The following RGS17 variants were observed in gnomAD, a reference collection of about 807,000 sequenced individuals.
The protein encoded by RGS17 is regulator of G protein signaling 17.
In RGS17, 12 loss-of-function variants were observed where a neutral mutation model predicts 25.5. The ratio of observed to expected loss-of-function variants is 0.47; its 90% confidence interval spans 0.30 to 0.76. The LOEUF (loss-of-function observed/expected upper bound fraction) is 0.76, where lower values mean the gene tolerates loss of function less well. RGS17 is among the 30% of genes least tolerant of loss of function. The pLI is 0.07. For missense variants in RGS17, 196 were observed against 242.2 expected, an observed-to-expected ratio of 0.81 and a Z score of 1.27; for synonymous variants, 71 against 76.9, an observed-to-expected ratio of 0.92 and a Z score of 0.40.
At chr6:153,111,591 C>T (rs757945565) in intron 1 of RGS17, among the ~76,000 whole-genome samples, 2 of 152,214 alleles carry the variant, frequency 1.3e-5, no homozygotes, top group African/African-American at 2.4e-5. Context: ...TTGAGCTCTG[C>T]TAAGGGACCG....
chr6:153,093,882 T>C (rs73785744), intron 1 of RGS17, among the ~76,000 whole-genome samples: 3,584 of 152,210 alleles, frequency 0.024, 138 homozygotes, highest in African/African-American at 0.077. Context: ...GTCACTTAAA[T>C]TTACTTAGCC....
rs964107516 is a variant in RGS17 at position 153,007,532 on chromosome 6, A to G, written c.*4042T>C. 6.6e-6 allele frequency: 1 copy of G among 152,132 alleles called. No individual in the cohort carries two copies. The highest frequency in any genetic ancestry group is 1.5e-5 in the Non-Finnish European group (1 of 68,020). 9.4% of individuals were successfully genotyped at this position (152,132 alleles called of 1,614,324 possible). On this transcript the variant is annotated 3_prime_UTR_variant, in exon 5 of 5. Coordinates refer to ENST00000206262, the MANE Select transcript of RGS17 (RefSeq NM_012419.5). ...GTCAAGATCAAAGTATTCAAAATACATGTTTGATAGGCTTCTATCTATAGG... is the reference window on the plus strand; with the variant it reads ...GTCAAGATCAAAGTATTCAAAATACGTGTTTGATAGGCTTCTATCTATAGG...
At chr6:153,044,976 T>C (rs891208559) in intron 1 of RGS17, among the ~76,000 whole-genome samples, 1 of 152,194 alleles carries the variant, frequency 6.6e-6, no homozygotes, top group African/African-American at 2.4e-5. Flanking sequence ...AAATAGGCAA[T>C]GTATGTAAAT....
chr6:153,116,853 T>G (rs1276536397), intron 1 of RGS17, among the ~76,000 whole-genome samples: 2 of 152,106 alleles, frequency 1.3e-5, no homozygotes, highest in Non-Finnish European at 2.9e-5. Context: ...ATGTTCTCAT[T>G]CATAAGTGGG....
intron 1 of RGS17, among the ~76,000 whole-genome samples, chr6:153,111,801 G>A (rs991551738): frequency 6.6e-6 from 1 of 152,202 alleles, no homozygotes; most frequent in Admixed American, 6.5e-5. Flanking sequence ...CAGGCAAACA[G>A]GGTCTGGAGT....
At chr6:153,121,768 CTTT>C (rs1777635421) in intron 1 of RGS17, among the ~76,000 whole-genome samples, 1 of 152,150 alleles carries the variant, frequency 6.6e-6, no homozygotes, top group Non-Finnish European at 1.5e-5. Context: ...GGAATAGATT[CTTT>C]ATCAATGTGA....
At chr6:153,058,163 T>G (rs907634549) in intron 1 of RGS17, among the ~76,000 whole-genome samples, 4 of 152,250 alleles carry the variant, frequency 2.6e-5, no homozygotes, top group African/African-American at 9.6e-5. Context: ...TTACAGTAAG[T>G]GCGCAGTATG....
intron 3 of RGS17, among the ~76,000 whole-genome samples, chr6:153,025,707 TATATAA>T (rs1367622211): frequency 6.8e-6 from 1 of 146,948 alleles, no homozygotes; most frequent in African/African-American, 2.5e-5. Flanking sequence ...AAAACATATA[TATATAA>T]ACATATATAT....
chr6:153,035,267 A>C (rs1776224945), intron 2 of RGS17, among the ~76,000 whole-genome samples: 1 of 152,216 alleles, frequency 6.6e-6, no homozygotes, highest in African/African-American at 2.4e-5. Context: ...GTAACATATT[A>C]ATGTCTGAAA....
At chr6:153,122,807 T>C (rs1329965709) in intron 1 of RGS17, among the ~76,000 whole-genome samples, 11 of 152,034 alleles carry the variant, frequency 7.2e-5, no homozygotes, top group Non-Finnish European at 1.5e-4. Context: ...CTCCTCAATT[T>C]ATCTATTTAG....
At chr6:153,117,447 A>G (rs1777562038) in intron 1 of RGS17, among the ~76,000 whole-genome samples, 1 of 152,212 alleles carries the variant, frequency 6.6e-6, no homozygotes, top group African/African-American at 2.4e-5. Flanking sequence ...TAACCATATC[A>G]GGCACTATCA....
In RGS17 at chr6:153,006,225, AAG is replaced by A. The variant is rs891322199; in HGVS notation, c.*5347_*5348del. 81 of 152,308 alleles carry A rather than the reference AAG, an allele frequency of 5.3e-4. No homozygotes were observed. Among genetic ancestry groups the A allele is most frequent in the African/African-American group, 1.9e-3 (77 of 41,552 alleles). The allele number at this position is 152,308 out of a possible 1,614,324, so 9.4% of individuals were successfully genotyped here. A position where few individuals can be genotyped will look rare whatever the true frequency, so the allele number is the denominator to read the frequency against. On this transcript the variant is annotated 3_prime_UTR_variant, in exon 5 of 5. Transcript: ENST00000206262. ...AAAATCATACCACCTTAATATTAAA[AAG>A]AGTGTTTTCTAATTGTCAATCTCTT...
chr6:153,071,759 ACTT>A (rs1776805937), intron 1 of RGS17, among the ~76,000 whole-genome samples: 1 of 152,116 alleles, frequency 6.6e-6, no homozygotes, highest in Non-Finnish European at 1.5e-5. Context: ...ATGTTCTAAC[ACTT>A]CTTGTCTGTA....
In RGS17 at chr6:153,130,334, G is replaced by A. The variant is rs1007287730; in HGVS notation, c.-26+790C>T. Among the ~76,000 whole-genome samples, 8 of 152,072 alleles carry A rather than the reference G, an allele frequency of 5.3e-5. No homozygotes were observed. Among genetic ancestry groups the A allele is most frequent in the African/African-American group, 1.9e-4 (8 of 41,422 alleles). ...GCTCCGATGCGCCCACCCGGGCAGCGACTCGCGGTTGGTGGGCGTTCCTCG... is the reference window on the plus strand; with the variant it reads ...GCTCCGATGCGCCCACCCGGGCAGCAACTCGCGGTTGGTGGGCGTTCCTCG... On this transcript the variant is annotated intron_variant, in intron 1 of 4. Transcript: ENST00000206262. This position sits in a 1 kb window ranked among gnomAD's most constrained non-coding sequence, Gnocchi z 6.4.
At chr6:153,038,363 GAT>G (rs1260277120) in intron 2 of RGS17, among the ~76,000 whole-genome samples, 3 of 152,176 alleles carry the variant, frequency 2.0e-5, no homozygotes, top group Non-Finnish European at 4.4e-5. Flanking sequence ...CATTTTGATA[GAT>G]GTCTTTTGAT....
chr6:153,101,791 ACTCT>A (rs112427467), intron 1 of RGS17, among the ~76,000 whole-genome samples: 1 of 150,130 alleles, frequency 6.7e-6, no homozygotes, highest in Non-Finnish European at 1.5e-5. Context: ...TTCCCCCTTC[ACTCT>A]CTCTCTCTCT....
chr6:153,061,998 C>A (rs1776645615), intron 1 of RGS17, among the ~76,000 whole-genome samples: 2 of 152,100 alleles, frequency 1.3e-5, no homozygotes, highest in Non-Finnish European at 2.9e-5. Flanking sequence ...TTAACCTTTT[C>A]AAAAAATCTG....
intron 1 of RGS17, among the ~76,000 whole-genome samples, chr6:153,065,882 C>G (rs1776700007): frequency 6.6e-6 from 1 of 151,592 alleles, no homozygotes; most frequent in Non-Finnish European, 1.5e-5. Context: ...ACTAGAAAAG[C>G]AAGATAATAC....
intron 4 of RGS17, among the ~76,000 whole-genome samples, chr6:153,020,649 T>C (rs610614): frequency 0.36 from 54,091 of 151,976 alleles, 9,768 homozygotes; most frequent in African/African-American, 0.41. Context: ...CGCAATCAAA[T>C]TAAGGTAAAA....
Sources: gnomAD v4.1 joint callset for allele counts (sites outside exome capture counted in the v4.1 genomes callset) on GRCh38, gnomAD v4.1.1 for gene constraint, Gnocchi (gnomAD v3.1) non-coding constraint, MANE v1.5 for transcripts, NCBI Gene and HGNC (gene_info 2026-07-23, HGNC 2026-07-21) for gene names.